Variants in LCLAT1 observed in about 807,000 individuals in gnomAD.
LCLAT1 encodes the protein lysocardiolipin acyltransferase 1.
In LCLAT1, 11 loss-of-function variants were observed where a neutral mutation model predicts 30.7. That is an observed-to-expected ratio of 0.36 (90% CI 0.23 to 0.59). The LOEUF (loss-of-function observed/expected upper bound fraction) is 0.59, where lower values mean the gene tolerates loss of function less well. Among genes scored for constraint, LCLAT1 ranks in the 20% least tolerant of loss-of-function variants. LCLAT1 has a pLI of 0.77. For synonymous variants in LCLAT1, 155 were observed against 151.3 expected, an observed-to-expected ratio of 1.02 and a Z score of -0.18; for missense variants, 402 against 458.6, an observed-to-expected ratio of 0.88 and a Z score of 1.13.
At chr2:30,597,231 G>A (rs1666963242) in intron 5 of LCLAT1, among the ~76,000 whole-genome samples, 1 of 151,512 alleles carries the variant, frequency 6.6e-6, no homozygotes, top group Admixed American at 6.6e-5. Flanking sequence ...AATTGCTTTG[G>A]GCAGTATGGC....
At chr2:30,578,637 C>A (rs945076723) in intron 5 of LCLAT1, among the ~76,000 whole-genome samples, 1 of 152,102 alleles carries the variant, frequency 6.6e-6, no homozygotes, top group East Asian at 1.9e-4. Flanking sequence ...TTAACCAGCA[C>A]CTCTCAAAGC....
intron 5 of LCLAT1, among the ~76,000 whole-genome samples, chr2:30,581,716 A>T (rs1254596526): frequency 6.6e-6 from 1 of 152,162 alleles, no homozygotes; most frequent in Non-Finnish European, 1.5e-5. Flanking sequence ...AGTTGATCTC[A>T]TAGGAGTAGA....
intron 5 of LCLAT1, among the ~76,000 whole-genome samples, chr2:30,618,148 A>G (rs1383773369): frequency 6.6e-6 from 1 of 152,150 alleles, no homozygotes; most frequent in East Asian, 1.9e-4. Context: ...CTCCAGTACA[A>G]TATTGTCTCG....
At chr2:30,520,872 G>A (rs1006771252) in intron 1 of LCLAT1, among the ~76,000 whole-genome samples, 2 of 152,158 alleles carry the variant, frequency 1.3e-5, no homozygotes. Flanking sequence ...TCACAAATGT[G>A]TATAGTCTTG....
intron 3 of LCLAT1, among the ~76,000 whole-genome samples, chr2:30,534,573 C>A (rs1366176582): frequency 6.6e-6 from 1 of 152,184 alleles, no homozygotes; most frequent in Admixed American, 6.5e-5. Context: ...CTGCGCCCGG[C>A]CAACTGTTTG....
At chr2:30,639,374 T>C (rs1045244532) in intron 5 of LCLAT1, among the ~76,000 whole-genome samples, 3 of 43,538 alleles carry the variant, frequency 6.9e-5, no homozygotes, top group Non-Finnish European at 1.3e-4. Context: ...CATCTAGCAC[T>C]CTGGCCTGTT....
chr2:30,486,218 C>T (rs1428043174), intron 1 of LCLAT1, among the ~76,000 whole-genome samples: 2 of 152,056 alleles, frequency 1.3e-5, no homozygotes, highest in Non-Finnish European at 2.9e-5. Context: ...TTAGAAAGAA[C>T]TTTGGACAGC....
At chr2:30,632,137 GAATC>G (rs1331132795) in intron 5 of LCLAT1, among the ~76,000 whole-genome samples, 1 of 152,156 alleles carries the variant, frequency 6.6e-6, no homozygotes, top group Non-Finnish European at 1.5e-5. Flanking sequence ...TATGTGTAAA[GAATC>G]AAATTGAAAT....
chr2:30,560,326 A>G lies in LCLAT1; in HGVS notation c.365-1820A>G, dbSNP rs201745551. 3.7e-3 allele frequency among the ~76,000 whole-genome samples: 337 copies of G among 91,170 alleles called. 2 individuals are homozygous for G. Among genetic ancestry groups the G allele is most frequent in the African/African-American group, 0.01 (279 of 26,908 alleles). 59.8% of individuals were successfully genotyped at this position (91,170 alleles called of 152,430 possible). ...TGTGTGTGTGTGTGTGTGTGTGTGT[A>G]TTATTTATTTATTTTGACACGGAGT... On this transcript the variant is annotated intron_variant, in intron 3 of 5. Transcript: ENST00000379509.
At chr2:30,637,580 C>T (rs1669097821) in intron 5 of LCLAT1, among the ~76,000 whole-genome samples, 1 of 152,008 alleles carries the variant, frequency 6.6e-6, no homozygotes, top group Non-Finnish European at 1.5e-5. Flanking sequence ...ACTACTGGCC[C>T]AGTTCTTTTT....
intron 5 of LCLAT1, among the ~76,000 whole-genome samples, chr2:30,633,471 G>A (rs563819039): frequency 2.6e-5 from 4 of 152,102 alleles, no homozygotes; most frequent in Admixed American, 2.6e-4. Flanking sequence ...GGCGGATCAC[G>A]AGGTCAAGAG....
chr2:30,528,221 C>CT (rs34534165), intron 2 of LCLAT1, among the ~76,000 whole-genome samples: 6 of 152,042 alleles, frequency 3.9e-5, no homozygotes, highest in Non-Finnish European at 7.4e-5. Context: ...TGGGAAATGT[C>CT]TTTTTTTTCT....
At chr2:30,558,695 C>G (rs1665052020) in intron 3 of LCLAT1, among the ~76,000 whole-genome samples, 1 of 150,146 alleles carries the variant, frequency 6.7e-6, no homozygotes, top group Non-Finnish European at 1.5e-5. Context: ...ATGAAAAGAA[C>G]TCCTAAGATT....
rs150029303 is a variant in LCLAT1 at position 30,450,608 on chromosome 2, C to A, written c.-5+3225C>A. 4.2e-4 allele frequency among the ~76,000 whole-genome samples: 64 copies of A among 152,302 alleles called. No homozygotes were observed. In the Middle Eastern group the frequency reaches 0.01, roughly 24 times the overall value. ...ACTGATGGTTTCTCTAGTTTTAAAG[C>A]TGATCTCCACTTAAACGTGTGTAAC... On this transcript the variant is annotated intron_variant, in intron 1 of 5. Transcript: ENST00000379509.
intron 3 of LCLAT1, among the ~76,000 whole-genome samples, chr2:30,547,570 ACTC>A (rs897537932): frequency 1.3e-5 from 2 of 151,734 alleles, no homozygotes; most frequent in African/African-American, 4.8e-5. Flanking sequence ...TGGGAAAGAT[ACTC>A]CTCCTTAATA....
chr2:30,448,973 A>T (rs905447922), intron 1 of LCLAT1, among the ~76,000 whole-genome samples: 6 of 152,238 alleles, frequency 3.9e-5, no homozygotes, highest in African/African-American at 1.4e-4. Flanking sequence ...TTTGAAATTT[A>T]TTCCTCTGCA....
intron 1 of LCLAT1, among the ~76,000 whole-genome samples, chr2:30,492,152 G>A (rs986174000): frequency 1.6e-4 from 24 of 152,078 alleles, no homozygotes; most frequent in Non-Finnish European, 2.9e-4. Flanking sequence ...AAGAATGGAC[G>A]TAACAGGTCT....
chr2:30,473,606 G>T (rs1423606577), intron 1 of LCLAT1, among the ~76,000 whole-genome samples: 1 of 152,154 alleles, frequency 6.6e-6, no homozygotes, highest in Non-Finnish European at 1.5e-5. Context: ...TTCTGTGGAT[G>T]GATAGATGAA....
At position 30,498,610 on chromosome 2, in the gene LCLAT1, G is replaced by A. The variant is rs116372058; in HGVS notation, c.-4-26977G>A. 6.5e-3 allele frequency among the ~76,000 whole-genome samples: 983 copies of A among 152,182 alleles called. 15 individuals carry two copies. Among genetic ancestry groups the A allele is most frequent in the African/African-American group, 0.022 (931 of 41,518 alleles). ...GACTCACCCCAATTGCCTGCCTTAC[G>A]GGTGTCTTACTTTATCCTCTCTCAC... On this transcript the variant is annotated intron_variant, in intron 1 of 5. Coordinates refer to ENST00000379509, the MANE Select transcript of LCLAT1 (RefSeq NM_001002257.3).
Sources: gnomAD v4.1 joint callset for allele counts (sites outside exome capture counted in the v4.1 genomes callset) on GRCh38, gnomAD v4.1.1 for gene constraint, MANE v1.5 for transcripts, NCBI Gene and HGNC (gene_info 2026-07-23, HGNC 2026-07-21) for gene names.